The following TACR3 variants were observed in gnomAD, a reference collection of about 807,000 sequenced individuals.
TACR3 encodes the protein neuromedin-K receptor.
A neutral mutation model predicts 35.0 loss-of-function variants in TACR3; 34 were observed. That is an observed-to-expected ratio of 0.97 (90% CI 0.74 to 1.30). The LOEUF (loss-of-function observed/expected upper bound fraction) is 1.30. TACR3 is among the 50% of genes most tolerant of loss of function. TACR3 has a pLI of 0.00. For missense variants in TACR3, 558 were observed against 591.7 expected (o/e 0.94, Z 0.59); for synonymous variants, 233 against 221.1 (o/e 1.05, Z -0.48).
intron 3 of TACR3, among the ~76,000 whole-genome samples, chr4:103,637,123 G>A (rs969464284): frequency 1.3e-5 from 2 of 152,096 alleles, no homozygotes; most frequent in Admixed American, 1.3e-4. Flanking sequence ...AAGCCAGGCA[G>A]AGACACAACC....
Position 103,719,586 on chromosome 4 carries a change from G to T in TACR3, c.90C>A (p.Ala30=), listed in dbSNP as rs566636422. 1.2e-6 allele frequency: 2 copies of T among 1,611,142 alleles called. No homozygotes were observed. The highest frequency in any genetic ancestry group is 1.7e-5 in the Admixed American group (1 of 59,936). The change falls in exon 1 of 5, where the codon GCC becomes GCA. Residue 30 remains alanine, a synonymous_variant. Transcript: ENST00000304883. ...TCTCAACTGCCCCCGTGGCCGCCCC[G>T]GCAGCTAGCGAGGCGGTCAGGTTCA... ...DAVNLTASLA[A]GAATGAVETG...
At chr4:103,687,362 C>T (rs1484315253) in intron 1 of TACR3, among the ~76,000 whole-genome samples, 7 of 152,072 alleles carry the variant, frequency 4.6e-5, no homozygotes, top group African/African-American at 1.4e-4. Flanking sequence ...TCTCTCAACA[C>T]TCCTATTCAA....
intron 3 of TACR3, among the ~76,000 whole-genome samples, chr4:103,631,648 T>G (rs1186056197): frequency 1.3e-5 from 2 of 152,216 alleles, no homozygotes; most frequent in African/African-American, 4.8e-5. Context: ...GAGTACCGTG[T>G]TGGAAATTAG....
At chr4:103,672,889 C>T (rs527992349) in intron 1 of TACR3, among the ~76,000 whole-genome samples, 16 of 152,318 alleles carry the variant, frequency 1.1e-4, no homozygotes, top group Non-Finnish European at 1.8e-4. Context: ...ATGATCTTAA[C>T]TAGGTCCTTT....
chr4:103,656,589 C>T (rs1462057310), intron 2 of TACR3, among the ~76,000 whole-genome samples: 2 of 151,986 alleles, frequency 1.3e-5, no homozygotes, highest in Admixed American at 6.6e-5. Flanking sequence ...GGTTGAAGGG[C>T]TCAGTTAAAC....
At chr4:103,679,992 T>C (rs531496304) in intron 1 of TACR3, among the ~76,000 whole-genome samples, 1 of 152,026 alleles carries the variant, frequency 6.6e-6, no homozygotes, top group East Asian at 1.9e-4. Flanking sequence ...TATTATTATA[T>C]TGCTAAGTAA....
intron 1 of TACR3, among the ~76,000 whole-genome samples, chr4:103,705,053 C>A (rs1722753518): frequency 6.6e-6 from 1 of 151,770 alleles, no homozygotes; most frequent in Non-Finnish European, 1.5e-5. Context: ...GTTTTCAGTT[C>A]TTTGCATTTT....
chr4:103,675,684 T>C (rs541174084), intron 1 of TACR3, among the ~76,000 whole-genome samples: 10 of 152,156 alleles, frequency 6.6e-5, no homozygotes, highest in African/African-American at 2.4e-4. Context: ...GGTTGGAGGC[T>C]TAGCCAATTT....
At chr4:103,616,373 GTATA>G (rs1335830891) in intron 3 of TACR3, among the ~76,000 whole-genome samples, 1 of 151,846 alleles carries the variant, frequency 6.6e-6, no homozygotes, top group Admixed American at 6.6e-5. Flanking sequence ...GGAGTATATA[GTATA>G]TATAGTATTG....
chr4:103,680,587 T>G (rs1205272271), intron 1 of TACR3, among the ~76,000 whole-genome samples: 2 of 150,586 alleles, frequency 1.3e-5, no homozygotes. Context: ...CTCATTATTG[T>G]CAAGTGAAAA....
chr4:103,622,339 G>T (rs1459371194), intron 3 of TACR3, among the ~76,000 whole-genome samples: 2 of 152,234 alleles, frequency 1.3e-5, no homozygotes, highest in Non-Finnish European at 2.9e-5. Flanking sequence ...TCATGGTTCA[G>T]AAGACAGATG....
chr4:103,698,529 A>G (rs1030099010), intron 1 of TACR3, among the ~76,000 whole-genome samples: 1 of 123,212 alleles, frequency 8.1e-6, no homozygotes, highest in African/African-American at 4.6e-5. Context: ...TTATCAGAGG[A>G]TATTTTCTTT....
intron 1 of TACR3, among the ~76,000 whole-genome samples, chr4:103,669,667 C>G (rs1457702709): frequency 1.3e-5 from 2 of 151,962 alleles, no homozygotes; most frequent in African/African-American, 4.8e-5. Flanking sequence ...CTGTTCAGGT[C>G]TTTTGCACAT....
At chr4:103,687,444 A>G (rs1380534201) in intron 1 of TACR3, among the ~76,000 whole-genome samples, 1 of 152,166 alleles carries the variant, frequency 6.6e-6, no homozygotes, top group African/African-American at 2.4e-5. Context: ...TTAGGAAAAG[A>G]GGAAGTCAAA....
intron 1 of TACR3, among the ~76,000 whole-genome samples, chr4:103,705,709 A>C (rs2110226960): frequency 6.6e-6 from 1 of 152,232 alleles, no homozygotes; most frequent in South Asian, 2.1e-4. Flanking sequence ...ACATTTAGCT[A>C]ATGAGGAATT....
chr4:103,618,405 T>C (rs891524722), intron 3 of TACR3, among the ~76,000 whole-genome samples: 1 of 152,036 alleles, frequency 6.6e-6, no homozygotes, highest in Non-Finnish European at 1.5e-5. Context: ...GTGTGGCTTA[T>C]TTCTGAGTTT....
chr4:103,597,907 A>C (rs138474505), intron 3 of TACR3, among the ~76,000 whole-genome samples: 1,743 of 152,314 alleles, frequency 0.011, 35 homozygotes, highest in African/African-American at 0.04. Flanking sequence ...GTGCCGCTAT[A>C]AACATACGTG....
At chr4:103,610,457 T>C (rs1724489886) in intron 3 of TACR3, among the ~76,000 whole-genome samples, 1 of 152,012 alleles carries the variant, frequency 6.6e-6, no homozygotes, top group African/African-American at 2.4e-5. Flanking sequence ...CCTTTATCCA[T>C]TTTTAAATTT....
chr4:103,635,234 A>C lies in TACR3; in HGVS notation c.888+20960T>G, dbSNP rs138303629. ...ATCTCCCACTAAAACATTTGCCTAAATGTAGATCAAAGTGCATATATTTTT... is the reference window on the plus strand; with the variant it reads ...ATCTCCCACTAAAACATTTGCCTAACTGTAGATCAAAGTGCATATATTTTT... On this transcript the variant is annotated intron_variant, in intron 3 of 4. Transcript: ENST00000304883. Among the ~76,000 whole-genome samples the C allele has an allele frequency of 4.9e-3, 752 of 152,088 alleles. 10 individuals are homozygous for C. Among genetic ancestry groups the C allele is most frequent in the African/African-American group, 0.017 (720 of 41,514 alleles).
Sources: gnomAD v4.1 joint callset for allele counts (sites outside exome capture counted in the v4.1 genomes callset) on GRCh38, gnomAD v4.1.1 for gene constraint, MANE v1.5 for transcripts, NCBI Gene and HGNC (gene_info 2026-07-23, HGNC 2026-07-21) for gene names.